The following RELN variants were observed in gnomAD, a reference collection of about 807,000 sequenced individuals.
RELN encodes reelin.
Under a neutral mutation model 427.6 loss-of-function variants are expected in RELN, and 108 were observed. The observed-to-expected ratio is 0.25, with a 90% CI of 0.22 to 0.30. The LOEUF (loss-of-function observed/expected upper bound fraction) is 0.30, where lower values mean the gene tolerates loss of function less well. Ranked by LOEUF, RELN falls within the 10% of genes least tolerant of loss-of-function variation. RELN has a pLI of 1.00. For synonymous variants in RELN, 1,524 were observed against 1,513.4 expected (o/e 1.01, Z -0.16); for missense variants, 3,715 against 4,302.8 (o/e 0.86, Z 3.82).
At chr7:103,739,721 C>T (rs1224577349) in intron 6 of RELN, among the ~76,000 whole-genome samples, 1 of 152,198 alleles carries the variant, frequency 6.6e-6, no homozygotes, top group African/African-American at 2.4e-5. Context: ...CAATCAGCAG[C>T]CGCTGGGGGA....
chr7:103,797,330 C>G (rs934412404), intron 3 of RELN, among the ~76,000 whole-genome samples: 1 of 152,138 alleles, frequency 6.6e-6, no homozygotes, highest in Non-Finnish European at 1.5e-5. Flanking sequence ...GTCTCGAACT[C>G]CCAACCTCAG....
chr7:103,501,587 G>A (rs567578888), intron 52 of RELN, among the ~76,000 whole-genome samples: 391 of 152,248 alleles, frequency 2.6e-3, no homozygotes, highest in Non-Finnish European at 4.3e-3. Context: ...AGTACATGAA[G>A]GAACTTTCTG....
chr7:103,587,471 G>T (rs1831303577), intron 28 of RELN, among the ~76,000 whole-genome samples: 1 of 151,950 alleles, frequency 6.6e-6, no homozygotes, highest in South Asian at 2.1e-4. Context: ...GGTCTAAAAA[G>T]AATTTATGAC....
At chr7:103,872,477 G>T (rs1023166438) in intron 2 of RELN, among the ~76,000 whole-genome samples, 1,837 of 133,280 alleles carry the variant, frequency 0.014, 101 homozygotes, top group African/African-American at 0.046. Flanking sequence ...TGGACATTTG[G>T]GTTGGTTCCA....
At chr7:103,913,059 T>C (rs1377766312) in intron 2 of RELN, among the ~76,000 whole-genome samples, 2 of 152,188 alleles carry the variant, frequency 1.3e-5, no homozygotes, top group Non-Finnish European at 2.9e-5. Flanking sequence ...TTTGCATAGC[T>C]ATTGTCTTAA....
At chr7:103,761,900 C>A (rs1187771849) in intron 4 of RELN, among the ~76,000 whole-genome samples, 1 of 151,996 alleles carries the variant, frequency 6.6e-6, no homozygotes, top group Non-Finnish European at 1.5e-5. Flanking sequence ...GAACATATGG[C>A]TTTTAAGTAA....
intron 2 of RELN, among the ~76,000 whole-genome samples, chr7:103,863,130 C>T (rs117613473): frequency 0.022 from 3,315 of 152,124 alleles, 61 homozygotes; most frequent in Admixed American, 0.034. Context: ...CAACAATGTG[C>T]GCCACCAGCA....
At chr7:103,856,142 A>G (rs1793938473) in intron 2 of RELN, among the ~76,000 whole-genome samples, 1 of 152,180 alleles carries the variant, frequency 6.6e-6, no homozygotes, top group African/African-American at 2.4e-5. Flanking sequence ...AAATAAGGAT[A>G]ACTCATTTCC....
chr7:103,545,793 A>G (rs6956527), intron 41 of RELN, among the ~76,000 whole-genome samples: 51,014 of 151,746 alleles, frequency 0.34, 11,662 homozygotes, highest in African/African-American at 0.65. Flanking sequence ...CCACCACCAC[A>G]CCTGGCTAAT....
chr7:103,748,454 C>G (rs974086166), intron 6 of RELN, among the ~76,000 whole-genome samples: 1 of 152,192 alleles, frequency 6.6e-6, no homozygotes, highest in African/African-American at 2.4e-5. Flanking sequence ...AGTCATCTCT[C>G]CTTTCTTTGG....
chr7:103,624,076 A>G (rs1185698777), intron 20 of RELN, among the ~76,000 whole-genome samples: 2 of 152,200 alleles, frequency 1.3e-5, no homozygotes, highest in Non-Finnish European at 2.9e-5. Flanking sequence ...AATGAACTGT[A>G]TTTAACTTAT....
intron 16 of RELN, among the ~76,000 whole-genome samples, chr7:103,647,238 G>T (rs1467720781): frequency 1.3e-5 from 2 of 151,512 alleles, no homozygotes; most frequent in East Asian, 1.9e-4. Context: ...GAAATAAAAG[G>T]CACCCAAATT....
rs186293200 is a variant in RELN, at chr7:103,933,188, A to G, written c.227-16003T>C. On this transcript the variant is annotated intron_variant, in intron 1 of 64. Coordinates refer to ENST00000428762, the MANE Select transcript of RELN (RefSeq NM_005045.4). The stretch of plus-strand genomic sequence containing the variant: ...TTTTCCCCATACAGACACAGCAGAC[A>G]TAAACAATAGTAAAAGGTAGTAAAA... 3.7e-4 allele frequency among the ~76,000 whole-genome samples: 57 copies of G among 152,332 alleles called. No homozygotes were observed. In the East Asian group the frequency reaches 9.3e-3, roughly 25 times the overall value.
chr7:103,845,405 T>C (rs1343584564), intron 2 of RELN, among the ~76,000 whole-genome samples: 1 of 152,146 alleles, frequency 6.6e-6, no homozygotes, highest in Non-Finnish European at 1.5e-5. Context: ...GGTCTCGAAC[T>C]CCTAACCTCA....
rs35268159 is a variant in RELN, at chr7:103,565,554, GA to G, written c.4937-4del. The G allele has an allele frequency of 7.4e-3, 9,602 of 1,295,968 alleles. 4 individuals carry two copies. Among genetic ancestry groups the G allele is most frequent in the Admixed American group, 0.015 (701 of 46,614 alleles). 80.3% of individuals were successfully genotyped at this position (1,295,968 alleles called of 1,614,324 possible). Reference sequence around the variant, plus strand: ...GGTCTCAGCATAACGAGGTTTTCCTGAAAAAAAAAAATGTGTAATGGTAGCA... The same window carrying G: ...GGTCTCAGCATAACGAGGTTTTCCTGAAAAAAAAAATGTGTAATGGTAGCA... On this transcript the variant is annotated splice_region_variant and splice_polypyrimidine_tract_variant and intron_variant, in intron 33 of 64. Transcript: ENST00000428762.
intron 31 of RELN, among the ~76,000 whole-genome samples, chr7:103,568,126 T>A (rs577191907): frequency 6.6e-6 from 1 of 152,326 alleles, no homozygotes; most frequent in South Asian, 2.1e-4. Flanking sequence ...AATTATAATT[T>A]TTTTTGCTAT....
intron 45 of RELN, among the ~76,000 whole-genome samples, chr7:103,536,813 C>A (rs1028134826): frequency 2.0e-5 from 3 of 152,176 alleles, no homozygotes; most frequent in Non-Finnish European, 2.9e-5. Context: ...TCAGTGATCA[C>A]CTCTGTGCCC....
intron 6 of RELN, among the ~76,000 whole-genome samples, chr7:103,748,679 A>G (rs1790916529): frequency 6.6e-6 from 1 of 152,244 alleles, no homozygotes; most frequent in Non-Finnish European, 1.5e-5. Flanking sequence ...TCAAGGATGA[A>G]ATGATTATTT....
intron 16 of RELN, among the ~76,000 whole-genome samples, chr7:103,650,062 C>G (rs536935346): frequency 6.8e-6 from 1 of 146,498 alleles, no homozygotes; most frequent in East Asian, 2.0e-4. Context: ...ATTCTAGCAT[C>G]TAATACTGCT....
Sources: gnomAD v4.1 joint callset for allele counts (sites outside exome capture counted in the v4.1 genomes callset) on GRCh38, gnomAD v4.1.1 for gene constraint, MANE v1.5 for transcripts, NCBI Gene and HGNC (gene_info 2026-07-23, HGNC 2026-07-21) for gene names.